FCRL1: variants seen among roughly 807,000 people sequenced by gnomAD.
The protein encoded by FCRL1 is Fc receptor-like protein 1.
A neutral mutation model predicts 49.2 loss-of-function variants in FCRL1; 34 were observed. The ratio of observed to expected loss-of-function variants is 0.69; its 90% CI spans 0.53 to 0.92. The LOEUF is 0.92. Among genes scored for constraint, FCRL1 ranks in the 40% least tolerant of loss-of-function variants. The probability of loss-of-function intolerance (pLI) is 0.00; values close to 1 mark genes in which losing one functional copy is unlikely to be tolerated. For synonymous variants in FCRL1, 218 were observed against 201.6 expected, an observed-to-expected ratio of 1.08 and a Z score of -0.69; for missense variants, 524 against 524.1, an observed-to-expected ratio of 1.00 and a Z score of 0.00.
intron 10 of FCRL1, among the ~76,000 whole-genome samples, chr1:157,796,767 A>G (rs1354256946): frequency 6.6e-6 from 1 of 152,264 alleles, no homozygotes; most frequent in Non-Finnish European, 1.5e-5. Flanking sequence ...TTAACCTTAT[A>G]GTACAAAGTG....
chr1:157,812,948 C>T (rs1654526869), intron 1 of FCRL1, among the ~76,000 whole-genome samples: 3 of 152,166 alleles, frequency 2.0e-5, no homozygotes, highest in Admixed American at 6.5e-5. Context: ...CCCTCACAAA[C>T]TCCTACAGCC....
At chr1:157,796,267 A>T in intron 10 of FCRL1, 97 bp from the exon 11 acceptor site, 1 of 969,338 alleles carries the variant, frequency 1.0e-6, no homozygotes, top group Non-Finnish European at 1.6e-6. Context: ...TTATCATGGC[A>T]CATCACGCAA....
At chr1:157,802,715 A>AAGACAGTAAG in intron 3 of FCRL1, 51 bp from the exon 4 acceptor site, 2 of 1,549,012 alleles carry the variant, frequency 1.3e-6, no homozygotes, top group Non-Finnish European at 1.7e-6. Context: ...GAGAGTTTCA[A>AAGACAGTAAG]AGACAGTAAG....
chr1:157,819,417 G>T (rs1206634662), intron 1 of FCRL1, among the ~76,000 whole-genome samples: 1 of 152,202 alleles, frequency 6.6e-6, no homozygotes, highest in African/African-American at 2.4e-5. Context: ...TGTTGTGGTG[G>T]TGAGCTGCAG....
Position 157,794,834 on chromosome 1 carries a change from A to G in FCRL1, c.*1265T>C, listed in dbSNP as rs996210386. On this transcript the variant is annotated 3_prime_UTR_variant, in exon 11 of 11. Coordinates refer to ENST00000368176, the MANE Select transcript of FCRL1 (RefSeq NM_052938.5). ...TAAAAAAAGAAAAAAGTTATGATTT[A>G]TCTATATAACACACTACTATAGAGA... 3.9e-5 allele frequency: 6 copies of G among 152,212 alleles called. No individual in the cohort carries two copies. The highest frequency in any genetic ancestry group is 1.4e-4 in the African/African-American group (6 of 41,458). 9.4% of individuals were successfully genotyped at this position (152,212 alleles called of 1,614,324 possible). A position where few individuals can be genotyped will look rare whatever the true frequency, so the allele number is the denominator to read the frequency against.
chr1:157,804,233 C>T (rs1653012739), intron 2 of FCRL1, 122 bp from the exon 3 acceptor site: 1 of 1,224,900 alleles, frequency 8.2e-7, no homozygotes, highest in East Asian at 2.4e-5. Context: ...CACAGGCCAC[C>T]CTACATGTCT....
chr1:157,812,532 A>G (rs897191880), intron 1 of FCRL1, among the ~76,000 whole-genome samples: 1 of 152,150 alleles, frequency 6.6e-6, no homozygotes, highest in Non-Finnish European at 1.5e-5. Context: ...GAGCCTTTGG[A>G]AAGCCCTTTA....
At position 157,813,818 on chromosome 1, in the gene FCRL1, A is replaced by G. The variant is rs540196058; in HGVS notation, c.31+6189T>C. 1.2e-3 allele frequency among the ~76,000 whole-genome samples: 186 copies of G among 152,314 alleles called. 1 individual carries two copies. The highest frequency in any genetic ancestry group is 2.2e-3 in the Non-Finnish European group (153 of 68,006). The stretch of plus-strand genomic sequence containing the variant: ...AATCAAATTGTTAAAGGTCAAATAC[A>G]AAGAGAATTCTAAACACAGCAAAAA... On this transcript the variant is annotated intron_variant, in intron 1 of 10. Coordinates refer to ENST00000368176, the MANE Select transcript of FCRL1 (RefSeq NM_052938.5).
At chr1:157,810,042 G>A (rs903873182) in intron 1 of FCRL1, among the ~76,000 whole-genome samples, 2 of 152,160 alleles carry the variant, frequency 1.3e-5, no homozygotes, top group African/African-American at 4.8e-5. Flanking sequence ...AAAATAAAGA[G>A]TGATCAAATG....
At chr1:157,800,567 A>C (rs2050569) in intron 6 of FCRL1, among the ~76,000 whole-genome samples, 7,680 of 152,252 alleles carry the variant, frequency 0.05, 254 homozygotes, top group South Asian at 0.17. Context: ...GGTTAAATAT[A>C]CAAATAAATA....
chr1:157,802,625 G>C lies in FCRL1; in HGVS notation c.359C>G (p.Pro120Arg). Residue 120 changes from proline to arginine, a missense_variant, in exon 4 of 11, where the codon CCA (proline) becomes CGA (arginine). Coordinates refer to ENST00000368176, the MANE Select transcript of FCRL1 (RefSeq NM_052938.5). ...GTCTCCCTCCATCACCTGTCCTCCT[G>C]GGGGCTGAGTCTCCAAGCTCACATC... is the stretch of plus-strand genomic sequence containing the variant. ...VADVSLETQP[P>R]GGQVMEGDRL... 1 of 1,613,986 alleles carries C rather than the reference G, an allele frequency of 6.2e-7. No individual in the cohort carries two copies. Among genetic ancestry groups the C allele is most frequent in the Non-Finnish European group, 8.5e-7 (1 of 1,179,952 alleles).
In FCRL1 at chr1:157,801,653, G is replaced by T. The variant is rs574654802; in HGVS notation, c.887-76C>A. The T allele has an allele frequency of 1.5e-5, 16 of 1,085,732 alleles. No homozygotes were observed. The Admixed American group carries it at 1.9e-4, about 13-fold the overall frequency. 67.3% of individuals were successfully genotyped at this position (1,085,732 alleles called of 1,614,324 possible). On this transcript the variant is annotated intron_variant, in intron 5 of 10. Transcript: ENST00000368176. ...TAGAGAGCAGACATCTTGGGTGTGG[G>T]TTGTGCCCAAGGTCTGCTCTTCCAA...
chr1:157,795,973 T>C lies in FCRL1; in HGVS notation c.*126A>G. On this transcript the variant is annotated 3_prime_UTR_variant, in exon 11 of 11. Transcript: ENST00000368176. ...CACTTCACAGTAGATGAAGGAATAG[T>C]GCCATGGAGAATGGCATCCAGAAGA... The C allele has an allele frequency of 1.3e-6, 1 of 798,360 alleles. No homozygotes were observed. Among genetic ancestry groups the C allele is most frequent in the Non-Finnish European group, 2.1e-6 (1 of 466,390 alleles). The allele number at this position is 798,360 out of a possible 1,614,324, so 49.5% of individuals were successfully genotyped here. A position where few individuals can be genotyped will look rare whatever the true frequency, so the allele number is the denominator to read the frequency against.
At chr1:157,819,529 A>C (rs920421066) in intron 1 of FCRL1, among the ~76,000 whole-genome samples, 5 of 152,140 alleles carry the variant, frequency 3.3e-5, no homozygotes, top group African/African-American at 1.2e-4. Flanking sequence ...AATAGAGTGC[A>C]GGAGAAAGTG....
intron 6 of FCRL1, 40 bp from the exon 7 acceptor site, chr1:157,800,125 A>G (rs769134458): frequency 4.4e-6 from 7 of 1,605,638 alleles, no homozygotes; most frequent in Admixed American, 3.3e-5. Context: ...AAATGGAAGA[A>G]CCCTCACTGT....
intron 10 of FCRL1, 91 bp downstream of exon 10, chr1:157,797,010 C>T (rs939329962): frequency 1.5e-6 from 2 of 1,291,798 alleles, no homozygotes; most frequent in Non-Finnish European, 2.2e-6. Context: ...GGGATTTTTG[C>T]TCTTTCTAAG....
In FCRL1 at chr1:157,804,099, A is replaced by G. The variant is rs1413480792; in HGVS notation, c.65T>C (p.Ile22Thr). ...PLCEPAELFL[I>T]ASPSHPTEGS... ...CTCTGTGGGATGGGAGGGGCTGGCT[A>G]TCAAAAACAGCTCTAGAGAGAGGAA... Residue 22 changes from isoleucine (I) to threonine (T), a missense_variant, in exon 3 of 11, where the codon ATA (isoleucine) becomes ACA (threonine). Coordinates refer to ENST00000368176, the MANE Select transcript of FCRL1 (RefSeq NM_052938.5). 3 of 1,614,158 alleles carry G rather than the reference A, an allele frequency of 1.9e-6. No individual in the cohort carries two copies. Among genetic ancestry groups the G allele is most frequent in the Non-Finnish European group, 2.5e-6 (3 of 1,180,016 alleles).
intron 1 of FCRL1, among the ~76,000 whole-genome samples, chr1:157,816,129 C>G (rs1305954514): frequency 1.3e-5 from 2 of 151,832 alleles, no homozygotes; most frequent in Non-Finnish European, 3.0e-5. Flanking sequence ...ATGCCAAAAC[C>G]AGACAAAAAC....
rs1652481367 is a variant in FCRL1, at chr1:157,801,585, G to GCC, written c.887-9_887-8insGG. The GCC allele has an allele frequency of 3.8e-6, 6 of 1,586,578 alleles. No homozygotes were observed. The highest frequency in any genetic ancestry group is 5.2e-6 in the Non-Finnish European group (6 of 1,155,810). On this transcript the variant is annotated splice_polypyrimidine_tract_variant and intron_variant, in intron 5 of 10. Coordinates refer to ENST00000368176, the MANE Select transcript of FCRL1 (RefSeq NM_052938.5). ...TTCTGGCCCCAGTAGGCACTAGAGG[G>GCC]AGAGACCTGTGCATGATCTGCTCAG...
Sources: allele counts gnomAD v4.1 joint callset (sites outside exome capture counted in the v4.1 genomes callset), GRCh38; gene constraint gnomAD v4.1.1; transcripts MANE v1.5; gene names NCBI Gene and HGNC (gene_info 2026-07-23, HGNC 2026-07-21).